The following LCLAT1 variants were observed in gnomAD, a reference collection of about 807,000 sequenced individuals.
LCLAT1 encodes the protein 1-AGP acyltransferase 8.
A neutral mutation model predicts 30.7 loss-of-function variants in LCLAT1; 11 were observed. The ratio of observed to expected loss-of-function variants is 0.36; its 90% CI spans 0.23 to 0.59. The LOEUF (loss-of-function observed/expected upper bound fraction) is 0.59, where lower values mean the gene tolerates loss of function less well. LCLAT1 is among the 20% of genes least tolerant of loss of function. The pLI, the probability that LCLAT1 is intolerant of heterozygous loss-of-function variation, is 0.77. For synonymous variants in LCLAT1, 155 were observed against 151.3 expected (o/e 1.02, Z -0.18); for missense variants, 402 against 458.6 (o/e 0.88, Z 1.13).
chr2:30,459,541 C>T (rs892981384), intron 1 of LCLAT1: 3 of 1,010,562 alleles, frequency 3.0e-6, no homozygotes, highest in African/African-American at 3.2e-5. Flanking sequence ...TCCCATTTGT[C>T]CTGTTCACAG....
chr2:30,563,625 A>G (rs1030456776), intron 4 of LCLAT1, among the ~76,000 whole-genome samples: 2 of 152,228 alleles, frequency 1.3e-5, no homozygotes, highest in Non-Finnish European at 2.9e-5. Flanking sequence ...ATGGGCAGGT[A>G]GAACATGAAC....
In LCLAT1 at chr2:30,486,192, A is replaced by C. The variant is rs564006120; in HGVS notation, c.-5+38809A>C. On this transcript the variant is annotated intron_variant, in intron 1 of 5. Transcript: ENST00000379509. ...GATAAAGACTGACTTTGTTATAGTCAGGAAAGAGCATTATCTTAGAAAGAA... is the reference window on the plus strand; with the variant it reads ...GATAAAGACTGACTTTGTTATAGTCCGGAAAGAGCATTATCTTAGAAAGAA... Among the ~76,000 whole-genome samples the C allele has an allele frequency of 5.3e-5, 8 of 152,336 alleles. No individual in the cohort carries two copies. The South Asian group carries it at 1.0e-3, about 20-fold the overall frequency.
At chr2:30,451,586 T>G (rs1681551299) in intron 1 of LCLAT1, among the ~76,000 whole-genome samples, 1 of 151,526 alleles carries the variant, frequency 6.6e-6, no homozygotes, top group African/African-American at 2.4e-5. Context: ...AGCAGTAGAA[T>G]GGATGAGTAA....
chr2:30,630,865 A>G (rs1388514507), intron 5 of LCLAT1, among the ~76,000 whole-genome samples: 1 of 152,212 alleles, frequency 6.6e-6, no homozygotes, highest in Non-Finnish European at 1.5e-5. Flanking sequence ...TAGGGTCCAC[A>G]TATATATCAG....
chr2:30,499,508 A>T (rs1365983812), intron 1 of LCLAT1, among the ~76,000 whole-genome samples: 1 of 152,118 alleles, frequency 6.6e-6, no homozygotes, highest in Non-Finnish European at 1.5e-5. Flanking sequence ...TTTGTTTCAT[A>T]TGAGACTTCT....
chr2:30,560,075 A>G (rs974329811), intron 3 of LCLAT1, among the ~76,000 whole-genome samples: 1 of 152,142 alleles, frequency 6.6e-6, no homozygotes, highest in African/African-American at 2.4e-5. Flanking sequence ...CTGTGGGCCT[A>G]AGTGTCCTCA....
chr2:30,528,324 C>T (rs4952141), intron 2 of LCLAT1, among the ~76,000 whole-genome samples: 19,132 of 152,208 alleles, frequency 0.13, 1,338 homozygotes, highest in South Asian at 0.23. Context: ...ATAGCTATTT[C>T]TGCTATTATT....
intron 1 of LCLAT1, among the ~76,000 whole-genome samples, chr2:30,524,054 T>C (rs1685596589): frequency 7.7e-6 from 1 of 130,268 alleles, no homozygotes; most frequent in South Asian, 2.8e-4. Flanking sequence ...ACCTTTTTGC[T>C]ATATAGATTA....
chr2:30,541,041 A>G (rs560489980), intron 3 of LCLAT1, among the ~76,000 whole-genome samples: 15 of 152,212 alleles, frequency 9.9e-5, no homozygotes, highest in South Asian at 6.2e-4. Context: ...GGGTTATACA[A>G]ATTCTTAGTA....
chr2:30,474,808 A>G (rs1330829257), intron 1 of LCLAT1, among the ~76,000 whole-genome samples: 2 of 150,536 alleles, frequency 1.3e-5, no homozygotes, highest in African/African-American at 4.9e-5. Flanking sequence ...ACCACCACAC[A>G]TGGCTAATTT....
At chr2:30,449,045 A>C (rs187250205) in intron 1 of LCLAT1, among the ~76,000 whole-genome samples, 92 of 152,334 alleles carry the variant, frequency 6.0e-4, no homozygotes, top group African/African-American at 2.1e-3. Context: ...GTCATCTAGC[A>C]TCACTGTGAG....
chr2:30,458,470 A>G (rs1681941755), intron 1 of LCLAT1, among the ~76,000 whole-genome samples: 1 of 152,200 alleles, frequency 6.6e-6, no homozygotes, highest in East Asian at 1.9e-4. Context: ...TGCCTAATCT[A>G]GGAATAGCTG....
intron 3 of LCLAT1, among the ~76,000 whole-genome samples, chr2:30,539,240 C>T (rs1440814730): frequency 2.7e-5 from 4 of 146,578 alleles, no homozygotes; most frequent in African/African-American, 1.0e-4. Flanking sequence ...TGAGCCACCG[C>T]GCCAGGCCTT....
chr2:30,607,282 C>T (rs1975559), intron 5 of LCLAT1: 41,463 of 151,970 alleles, frequency 0.27, 6,705 homozygotes, highest in East Asian at 0.59. Context: ...ATGATCCACC[C>T]GCCTCAGCTT....
At chr2:30,459,604 A>T (rs55723517) in intron 1 of LCLAT1, 324,235 of 1,586,502 alleles carry the variant, frequency 0.2, 37,734 homozygotes, top group Non-Finnish European at 0.24. Context: ...CAAATGGATG[A>T]TGTGATATAT....
intron 1 of LCLAT1, among the ~76,000 whole-genome samples, chr2:30,519,520 G>A (rs1685369370): frequency 1.3e-5 from 2 of 152,148 alleles, no homozygotes; most frequent in African/African-American, 4.8e-5. Context: ...AGGACTAGCT[G>A]GATTTCCTAG....
At chr2:30,573,185 A>G (rs978035164) in intron 5 of LCLAT1, among the ~76,000 whole-genome samples, 10 of 152,200 alleles carry the variant, frequency 6.6e-5, no homozygotes, top group Non-Finnish European at 1.5e-4. Flanking sequence ...TGCTTTTCAC[A>G]TGCTGTGAAA....
chr2:30,634,307 G>A (rs1317723619), intron 5 of LCLAT1, among the ~76,000 whole-genome samples: 3 of 152,190 alleles, frequency 2.0e-5, no homozygotes, highest in Non-Finnish European at 4.4e-5. Context: ...ACAGATGACA[G>A]AATAGACAGC....
At chr2:30,497,777 T>A (rs1302621392) in intron 1 of LCLAT1, among the ~76,000 whole-genome samples, 1 of 152,234 alleles carries the variant, frequency 6.6e-6, no homozygotes, top group African/African-American at 2.4e-5. Context: ...GCCATACTCT[T>A]CATCACCTCA....
Sources: allele counts gnomAD v4.1 joint callset (sites outside exome capture counted in the v4.1 genomes callset), GRCh38; gene constraint gnomAD v4.1.1; transcripts MANE v1.5; gene names NCBI Gene and HGNC (gene_info 2026-07-23, HGNC 2026-07-21).